The following CCDC7 variants were observed in gnomAD, a reference collection of about 807,000 sequenced individuals.
The protein encoded by CCDC7 is coiled-coil domain-containing protein 7.
Under a neutral mutation model 196.9 loss-of-function variants are expected in CCDC7, and 183 were observed. The observed-to-expected ratio is 0.93, with a 90% CI of 0.82 to 1.05. The LOEUF is 1.05. Among genes scored for constraint, CCDC7 ranks in the 50% least tolerant of loss-of-function variants. The probability of loss-of-function intolerance (pLI) is 0.00; values close to 1 mark genes in which losing one functional copy is unlikely to be tolerated. For missense variants in CCDC7, 1,540 were observed against 1,482.2 expected, an observed-to-expected ratio of 1.04 and a Z score of -0.64; for synonymous variants, 525 against 484.6, an observed-to-expected ratio of 1.08 and a Z score of -1.10.
chr10:32,709,542 G>A (rs182370001), intron 24 of CCDC7, among the ~76,000 whole-genome samples: 27 of 152,242 alleles, frequency 1.8e-4, no homozygotes, highest in Non-Finnish European at 7.4e-5. Flanking sequence ...GTTTACAATA[G>A]GGTTTGTGTT....
intron 12 of CCDC7, 53 bp from the exon 14 acceptor site, chr10:32,544,194 C>A: frequency 1.4e-6 from 2 of 1,465,428 alleles, no homozygotes; most frequent in Non-Finnish European, 1.9e-6. Context: ...GAAAGCAAAG[C>A]AGTGATGCAT....
intron 29 of CCDC7, among the ~76,000 whole-genome samples, chr10:32,797,222 C>CAT (rs35537060): frequency 6.7e-6 from 1 of 148,284 alleles, no homozygotes. Context: ...TACACACACA[C>CAT]ATATATATGT....
intron 32 of CCDC7, among the ~76,000 whole-genome samples, chr10:32,831,764 A>G (rs61624902): frequency 0.14 from 21,943 of 152,120 alleles, 1,940 homozygotes; most frequent in African/African-American, 0.25. Context: ...TTCATCTCCT[A>G]TGATAACGAT....
intron 28 of CCDC7, among the ~76,000 whole-genome samples, chr10:32,759,979 A>C (rs1357751729): frequency 6.6e-6 from 1 of 152,080 alleles, no homozygotes; most frequent in African/African-American, 2.4e-5. Context: ...ATGCAGCCAA[A>C]AAACACATGA....
rs565085027 is a variant in CCDC7 at position 32,845,324 on chromosome 10, A to G, written c.3434A>G (p.Gln1145Arg). 1.4e-5 allele frequency: 21 copies of G among 1,552,944 alleles called. No homozygotes were observed. The East Asian group carries it at 5.0e-4, about 37-fold the overall frequency. ...ATCAATGCACAACTAAAGGGTCACC[A>G]AAGTAAGAAAAAGAATTTTTCACAT... The change falls in exon 34 of 42, where the codon CAA becomes CGA. Residue 1145 changes from glutamine to arginine, a missense_variant and splice_region_variant. Coordinates refer to ENST00000639629, the Ensembl canonical transcript of CCDC7.
intron 24 of CCDC7, among the ~76,000 whole-genome samples, chr10:32,699,604 T>C (rs1412851167): frequency 6.7e-6 from 1 of 149,228 alleles, no homozygotes; most frequent in Non-Finnish European, 1.5e-5. Flanking sequence ...GTATTTCTAG[T>C]TCTAGATCCC....
intron 13 of CCDC7, among the ~76,000 whole-genome samples, chr10:32,555,785 A>G: frequency 6.6e-6 from 1 of 152,240 alleles, no homozygotes; most frequent in East Asian, 1.9e-4. Context: ...TCCAAAACGT[A>G]GTAACTTAAA....
chr10:32,762,719 G>A (rs1315269789), intron 28 of CCDC7, among the ~76,000 whole-genome samples: 3 of 151,778 alleles, frequency 2.0e-5, no homozygotes, highest in African/African-American at 7.2e-5. Context: ...AAGCATTTAT[G>A]TCAATTAATT....
At chr10:32,848,527 T>G in intron 38 of CCDC7, 69 bp from the exon 40 acceptor site, 19 of 1,127,786 alleles carry the variant, frequency 1.7e-5, no homozygotes, top group Non-Finnish European at 1.9e-5. Flanking sequence ...GACAAATACG[T>G]GGAGATGGGA....
At chr10:32,802,351 T>C (rs1430703013) in intron 29 of CCDC7, among the ~76,000 whole-genome samples, 1 of 152,212 alleles carries the variant, frequency 6.6e-6, no homozygotes, top group East Asian at 1.9e-4. Flanking sequence ...GCATTTATTT[T>C]GCATAACTCT....
chr10:32,799,139 C>G (rs2084255474), intron 29 of CCDC7, among the ~76,000 whole-genome samples: 1 of 152,174 alleles, frequency 6.6e-6, no homozygotes, highest in South Asian at 2.1e-4. Context: ...ATAAGCAGTT[C>G]AGGTTGCATT....
chr10:32,636,730 T>C (rs924099008), intron 20 of CCDC7, among the ~76,000 whole-genome samples: 3 of 152,220 alleles, frequency 2.0e-5, no homozygotes, highest in Admixed American at 6.5e-5. Flanking sequence ...TTATAATCCT[T>C]TGGGTATATA....
intron 28 of CCDC7, among the ~76,000 whole-genome samples, chr10:32,763,788 G>A (rs2077831637): frequency 6.6e-6 from 1 of 151,768 alleles, no homozygotes; most frequent in African/African-American, 2.4e-5. Flanking sequence ...CATAGAAGTG[G>A]AAGGTAAAAT....
chr10:32,659,586 C>T (rs945543715), intron 20 of CCDC7, among the ~76,000 whole-genome samples: 3 of 152,092 alleles, frequency 2.0e-5, no homozygotes, highest in African/African-American at 7.2e-5. Context: ...GGTCTAATAT[C>T]CAGCATCTAT....
chr10:32,594,679 T>C (rs1462889545), intron 18 of CCDC7, among the ~76,000 whole-genome samples: 2 of 152,224 alleles, frequency 1.3e-5, no homozygotes, highest in East Asian at 3.8e-4. Flanking sequence ...TGATATTGGC[T>C]GTGGGTTTGT....
chr10:32,666,120 C>CTTT (rs35052301), intron 21 of CCDC7, among the ~76,000 whole-genome samples: 1 of 130,808 alleles, frequency 7.6e-6, no homozygotes, highest in Non-Finnish European at 1.7e-5. Flanking sequence ...TATTCTTTTT[C>CTTT]TTTTTTTTTT....
intron 9 of CCDC7, among the ~76,000 whole-genome samples, chr10:32,492,926 A>G (rs569908624): frequency 6.6e-6 from 1 of 152,236 alleles, no homozygotes; most frequent in East Asian, 1.9e-4. Context: ...AACTCATTTA[A>G]TTTCTTTTTA....
intron 11 of CCDC7, among the ~76,000 whole-genome samples, chr10:32,538,981 G>C (rs1371625799): frequency 6.6e-6 from 1 of 152,134 alleles, no homozygotes; most frequent in Admixed American, 6.5e-5. Flanking sequence ...TTTGGTATCA[G>C]GATGATGCTG....
intron 21 of CCDC7, among the ~76,000 whole-genome samples, chr10:32,679,896 A>G (rs916621332): frequency 6.6e-6 from 1 of 152,200 alleles, no homozygotes; most frequent in Non-Finnish European, 1.5e-5. Flanking sequence ...AATCATCTCT[A>G]TGTAGATAGA....
Sources: allele counts gnomAD v4.1 joint callset (sites outside exome capture counted in the v4.1 genomes callset), GRCh38; gene constraint gnomAD v4.1.1; transcripts MANE v1.5; gene names NCBI Gene and HGNC (gene_info 2026-07-23, HGNC 2026-07-21).